The following IPCEF1 variants were observed in gnomAD, a reference collection of about 807,000 sequenced individuals.
The protein encoded by IPCEF1 is interactor protein for cytohesin exchange factors 1.
IPCEF1 carries 31 observed loss-of-function variants against 50.9 expected under a neutral mutation model. The ratio of observed to expected loss-of-function variants is 0.61; its 90% CI spans 0.46 to 0.82. IPCEF1 has a LOEUF of 0.82. IPCEF1 is among the 40% of genes least tolerant of loss of function. The pLI is 0.00. For synonymous variants in IPCEF1, 181 were observed against 192.0 expected (o/e 0.94, Z 0.47); for missense variants, 458 against 514.0 (o/e 0.89, Z 1.05).
chr6:154,221,361 A>T (rs780108601), intron 6 of IPCEF1, 33 bp from the exon 7 acceptor site: 1 of 1,553,612 alleles, frequency 6.4e-7, no homozygotes, highest in Admixed American at 1.7e-5. Flanking sequence ...CACATAAAAA[A>T]TTAGTGTTTA....
At chr6:154,278,163 GA>G (rs1460480030) in intron 2 of IPCEF1, among the ~76,000 whole-genome samples, 1 of 152,040 alleles carries the variant, frequency 6.6e-6, no homozygotes, top group African/African-American at 2.4e-5. Context: ...CTCCTGCATA[GA>G]AAAAAAGTTT....
intron 9 of IPCEF1, among the ~76,000 whole-genome samples, chr6:154,209,133 A>T (rs1438411067): frequency 6.6e-6 from 1 of 152,254 alleles, no homozygotes; most frequent in African/African-American, 2.4e-5. Context: ...TAGAATGATT[A>T]GACTGAATTA....
At chr6:154,197,353 T>C (rs1472780417) in intron 10 of IPCEF1, among the ~76,000 whole-genome samples, 2 of 152,230 alleles carry the variant, frequency 1.3e-5, no homozygotes, top group Non-Finnish European at 1.5e-5. Flanking sequence ...TGGGTTGCTG[T>C]TTCCATAGAG....
chr6:154,256,998 G>A (rs550467384), intron 3 of IPCEF1, among the ~76,000 whole-genome samples: 17 of 152,322 alleles, frequency 1.1e-4, no homozygotes, highest in East Asian at 5.8e-4. Flanking sequence ...GCTAAGCTAT[G>A]ATGTTCAGTA....
Position 154,246,655 on chromosome 6 carries a change from T to C in IPCEF1, c.182A>G (p.Asn61Ser), listed in dbSNP as rs1189004400. ...TATCACCCAGAACTTTTTCCATTTG[T>C]TGCTTAGGAAACTTCCCTTTTCCTT... ...KKKEKGSFLS[N>S]KWKKFWVILK... Residue 61 changes from asparagine to serine, a missense_variant, in exon 5 of 12, where the codon AAC becomes AGC. Physicochemically the swap from Asn to Ser is conservative, Grantham distance 46. Coordinates refer to ENST00000367220, the MANE Select transcript of IPCEF1 (RefSeq NM_001130700.2). The C allele has an allele frequency of 6.2e-7, 1 of 1,614,120 alleles. No individual in the cohort carries two copies. Among genetic ancestry groups the C allele is most frequent in the South Asian group, 1.1e-5 (1 of 91,076 alleles).
intron 1 of IPCEF1, among the ~76,000 whole-genome samples, chr6:154,291,548 A>T (rs1782512850): frequency 6.6e-6 from 1 of 152,088 alleles, no homozygotes; most frequent in East Asian, 1.9e-4. Flanking sequence ...CTCTCTGCAT[A>T]TCTAAATATT....
chr6:154,186,607 A>G (rs1344282347), intron 10 of IPCEF1, among the ~76,000 whole-genome samples: 1 of 151,064 alleles, frequency 6.6e-6, no homozygotes, highest in East Asian at 2.0e-4. Context: ...CCCAGGCTGG[A>G]GTGCAGTGGT....
intron 9 of IPCEF1, among the ~76,000 whole-genome samples, chr6:154,209,696 AT>A (rs1426761748): frequency 2.6e-5 from 4 of 152,080 alleles, no homozygotes; most frequent in Non-Finnish European, 5.9e-5. Flanking sequence ...ATCTGTTTAA[AT>A]AAAAAGCCTA....
rs372177199 is a variant in IPCEF1 at position 154,275,403 on chromosome 6, C to A, written c.-17-9439G>T. On this transcript the variant is annotated intron_variant, in intron 2 of 11. Transcript: ENST00000367220. ...TCTGTTCCATGAGCACAGCTTGGTT[C>A]CTTCCAGGTCCCTACTAGGGTATCC... 3.9e-5 allele frequency among the ~76,000 whole-genome samples: 6 copies of A among 152,184 alleles called. No individual in the cohort carries two copies. The East Asian group carries it at 9.6e-4, about 24-fold the overall frequency.
intron 7 of IPCEF1, chr6:154,217,564 G>A (rs1319709597): frequency 6.6e-6 from 1 of 152,166 alleles, no homozygotes; most frequent in Non-Finnish European, 1.5e-5. Flanking sequence ...CCTAGGGAGG[G>A]TAGTTGAATT....
intron 2 of IPCEF1, among the ~76,000 whole-genome samples, chr6:154,266,405 G>GAATA (rs1204278953): frequency 1.3e-5 from 2 of 151,728 alleles, no homozygotes; most frequent in Middle Eastern, 3.4e-3. Context: ...TTTTTTTAAT[G>GAATA]AATAAATAAA....
intron 1 of IPCEF1, among the ~76,000 whole-genome samples, chr6:154,318,956 T>C (rs1783302213): frequency 6.6e-6 from 1 of 152,162 alleles, no homozygotes; most frequent in Admixed American, 6.6e-5. Flanking sequence ...ATGTTTGTAA[T>C]TTTTGCTTTA....
At chr6:154,175,658 T>C (rs536338415) in intron 10 of IPCEF1, among the ~76,000 whole-genome samples, 96 of 152,046 alleles carry the variant, frequency 6.3e-4, no homozygotes, top group Non-Finnish European at 1.2e-3. Flanking sequence ...AAAAATAGCT[T>C]CTGAAATTGA....
chr6:154,317,129 A>G (rs1481685511), intron 1 of IPCEF1, among the ~76,000 whole-genome samples: 1 of 152,220 alleles, frequency 6.6e-6, no homozygotes, highest in African/African-American at 2.4e-5. Flanking sequence ...AGTGATGTTA[A>G]TAGAATAAGC....
intron 1 of IPCEF1, among the ~76,000 whole-genome samples, chr6:154,351,210 T>C (rs1784114170): frequency 6.6e-6 from 1 of 152,208 alleles, no homozygotes; most frequent in Admixed American, 6.6e-5. Flanking sequence ...GGTCCAATGA[T>C]ACTCAAAATG....
chr6:154,303,458 A>G (rs976416918), intron 1 of IPCEF1, among the ~76,000 whole-genome samples: 2 of 152,192 alleles, frequency 1.3e-5, no homozygotes, highest in Non-Finnish European at 2.9e-5. Flanking sequence ...AGAACACGAG[A>G]GGGTTGTTTT....
chr6:154,320,908 ATATATG>A (rs1783356420), intron 1 of IPCEF1, among the ~76,000 whole-genome samples: 1 of 152,170 alleles, frequency 6.6e-6, no homozygotes, highest in Non-Finnish European at 1.5e-5. Context: ...ATACATGTGT[ATATATG>A]TATATGTATA....
At chr6:154,164,144 G>A (rs766958024) in intron 11 of IPCEF1, among the ~76,000 whole-genome samples, 10 of 152,228 alleles carry the variant, frequency 6.6e-5, no homozygotes, top group Non-Finnish European at 1.2e-4. Flanking sequence ...TACTTCAAAG[G>A]AAGATCCTAA....
chr6:154,185,798 T>A (rs1044884971), intron 10 of IPCEF1, among the ~76,000 whole-genome samples: 2 of 152,110 alleles, frequency 1.3e-5, no homozygotes, highest in African/African-American at 4.8e-5. Flanking sequence ...CACAAAAAAT[T>A]CTCATAATGT....
Sources: allele counts gnomAD v4.1 joint callset (sites outside exome capture counted in the v4.1 genomes callset), GRCh38; gene constraint gnomAD v4.1.1; transcripts MANE v1.5; gene names NCBI Gene and HGNC (gene_info 2026-07-23, HGNC 2026-07-21).